DLG2: variants seen among roughly 807,000 people sequenced by gnomAD.
The protein encoded by DLG2 is discs large MAGUK scaffold protein 2.
In DLG2, 45 loss-of-function variants were observed where a neutral mutation model predicts 132.5. The observed-to-expected ratio is 0.34, with a 90% confidence interval of 0.27 to 0.44. The LOEUF (loss-of-function observed/expected upper bound fraction) is 0.44. Ranked by LOEUF, DLG2 falls within the 20% of genes least tolerant of loss-of-function variation. DLG2 has a pLI of 1.00. For missense variants in DLG2, 1,045 were observed against 1,196.9 expected, an observed-to-expected ratio of 0.87 and a Z score of 1.87; for synonymous variants, 424 against 419.6, an observed-to-expected ratio of 1.01 and a Z score of -0.13.
intron 4 of DLG2, among the ~76,000 whole-genome samples, chr11:85,178,877 A>T (rs190842399): frequency 2.4e-4 from 37 of 152,078 alleles, no homozygotes; most frequent in Admixed American, 1.3e-4. Flanking sequence ...ATAGATTGAG[A>T]GGGTCCAATA....
intron 2 of DLG2, among the ~76,000 whole-genome samples, chr11:85,604,072 A>G (rs1387692664): frequency 1.3e-5 from 2 of 152,248 alleles, no homozygotes; most frequent in South Asian, 2.1e-4. Flanking sequence ...TATTTATCCA[A>G]TAACTATAAA....
intron 3 of DLG2, among the ~76,000 whole-genome samples, chr11:85,570,538 G>A (rs1221615194): frequency 3.3e-5 from 5 of 152,114 alleles, no homozygotes; most frequent in Non-Finnish European, 5.9e-5. Context: ...GCTTTTATCA[G>A]TTTGATTATG....
intron 3 of DLG2, among the ~76,000 whole-genome samples, chr11:85,291,637 T>C (rs2078899833): frequency 6.7e-6 from 1 of 148,348 alleles, no homozygotes; most frequent in African/African-American, 2.5e-5. Context: ...CACGTTGGAA[T>C]GCAGCAGTGC....
chr11:84,842,304 T>C (rs1351987397), intron 6 of DLG2, among the ~76,000 whole-genome samples: 1 of 152,042 alleles, frequency 6.6e-6, no homozygotes, highest in Non-Finnish European at 1.5e-5. Context: ...TTATCGCCAC[T>C]TTACAGATGT....
chr11:84,456,840 T>C (rs1242863660), intron 7 of DLG2, among the ~76,000 whole-genome samples: 1 of 151,332 alleles, frequency 6.6e-6, no homozygotes, highest in East Asian at 1.9e-4. Flanking sequence ...AGAAGGATGC[T>C]TGATGTATTG....
At chr11:85,321,548 G>A (rs1452591948) in intron 3 of DLG2, among the ~76,000 whole-genome samples, 1 of 152,032 alleles carries the variant, frequency 6.6e-6, no homozygotes, top group Non-Finnish European at 1.5e-5. Flanking sequence ...GAGCAAGCAA[G>A]GCTACAGGTG....
intron 18 of DLG2, among the ~76,000 whole-genome samples, chr11:83,699,227 C>A (rs751601797): frequency 3.6e-4 from 55 of 152,066 alleles, no homozygotes; most frequent in Non-Finnish European, 5.3e-4. Context: ...AGCACATCAA[C>A]CTGCTCTGCT....
chr11:84,056,048 CTA>C (rs1319728843), intron 11 of DLG2, among the ~76,000 whole-genome samples: 1 of 152,016 alleles, frequency 6.6e-6, no homozygotes, highest in African/African-American at 2.4e-5. Flanking sequence ...GTCAGATAAA[CTA>C]TGCACATGTT....
At chr11:84,882,629 T>G (rs1362202668) in intron 6 of DLG2, among the ~76,000 whole-genome samples, 1 of 152,088 alleles carries the variant, frequency 6.6e-6, no homozygotes, top group East Asian at 1.9e-4. Context: ...AGATTGGACT[T>G]TGGAATCTGC....
intron 8 of DLG2, among the ~76,000 whole-genome samples, chr11:84,220,876 G>GA (rs2096905504): frequency 1.4e-5 from 2 of 146,286 alleles, no homozygotes; most frequent in African/African-American, 5.1e-5. Context: ...TCACCTCCAG[G>GA]CTCAAGCGAT....
chr11:84,944,482 T>G (rs997344141), intron 6 of DLG2, among the ~76,000 whole-genome samples: 3 of 152,072 alleles, frequency 2.0e-5, no homozygotes, highest in Non-Finnish European at 4.4e-5. Flanking sequence ...AGCTCACTAA[T>G]TTTTTCTTCT....
intron 6 of DLG2, among the ~76,000 whole-genome samples, chr11:85,009,619 C>T (rs1371179084): frequency 1.3e-5 from 2 of 151,992 alleles, no homozygotes; most frequent in Non-Finnish European, 2.9e-5. Context: ...CTGTTCTTAA[C>T]AACACAGAAC....
intron 3 of DLG2, among the ~76,000 whole-genome samples, chr11:85,576,840 G>A (rs574290317): frequency 3.3e-5 from 5 of 152,060 alleles, no homozygotes; most frequent in Admixed American, 6.6e-5. Flanking sequence ...AAAGAGTAAC[G>A]GGAGAAGGGT....
intron 17 of DLG2, among the ~76,000 whole-genome samples, chr11:83,820,808 T>C (rs1211395611): frequency 2.0e-5 from 3 of 152,144 alleles, no homozygotes; most frequent in African/African-American, 4.8e-5. Context: ...TGGGATCCTA[T>C]CTACTGATCC....
intron 7 of DLG2, among the ~76,000 whole-genome samples, chr11:84,397,994 T>C (rs1031709982): frequency 5.3e-5 from 8 of 152,228 alleles, no homozygotes; most frequent in Admixed American, 4.6e-4. Flanking sequence ...AACTCTTTCT[T>C]CATAATGCTT....
Position 84,769,175 on chromosome 11 carries a change from C to T in DLG2, c.358-234444G>A, listed in dbSNP as rs533874382. ...ATTCAGAAATGACAGATAAAGAATTCGAAGCATGTATTTCAAGGAAGCTAA... is the reference window on the plus strand; with the variant it reads ...ATTCAGAAATGACAGATAAAGAATTTGAAGCATGTATTTCAAGGAAGCTAA... On this transcript the variant is annotated intron_variant, in intron 6 of 27. Coordinates refer to ENST00000376104, the MANE Select transcript of DLG2 (RefSeq NM_001142699.3). Among the ~76,000 whole-genome samples the T allele has an allele frequency of 9.2e-5, 14 of 151,954 alleles. No homozygotes were observed. In the East Asian group the frequency reaches 2.5e-3, roughly 27 times the overall value.
chr11:85,008,747 T>C (rs1458858648), intron 6 of DLG2, among the ~76,000 whole-genome samples: 1 of 152,064 alleles, frequency 6.6e-6, no homozygotes, highest in African/African-American at 2.4e-5. Flanking sequence ...TGATGAGCAA[T>C]TCTGCTGTCA....
chr11:83,763,949 T>C (rs1052784199), intron 18 of DLG2, among the ~76,000 whole-genome samples: 4 of 152,246 alleles, frequency 2.6e-5, no homozygotes, highest in Admixed American at 2.6e-4. Flanking sequence ...GTTCCATTTA[T>C]AGAACAGTCA....
intron 7 of DLG2, among the ~76,000 whole-genome samples, chr11:84,412,240 C>T (rs917906534): frequency 9.9e-5 from 15 of 151,466 alleles, no homozygotes; most frequent in Non-Finnish European, 1.9e-4. Context: ...AATGAACAAA[C>T]CATAGACTGA....
Sources: allele counts gnomAD v4.1 joint callset (sites outside exome capture counted in the v4.1 genomes callset), GRCh38; gene constraint gnomAD v4.1.1; transcripts MANE v1.5; gene names NCBI Gene and HGNC (gene_info 2026-07-23, HGNC 2026-07-21).